The following TTC7B variants were observed in gnomAD, a reference collection of about 807,000 sequenced individuals.
TTC7B encodes the protein tetratricopeptide repeat protein 7B.
TTC7B carries 28 observed loss-of-function variants against 106.8 expected under a neutral mutation model. The ratio of observed to expected loss-of-function variants is 0.26; its 90% CI spans 0.19 to 0.36. The LOEUF is 0.36. Among genes scored for constraint, TTC7B ranks in the 10% least tolerant of loss-of-function variants. The probability of loss-of-function intolerance (pLI) is 1.00; values close to 1 mark genes in which losing one functional copy is unlikely to be tolerated. For synonymous variants in TTC7B, 405 were observed against 430.6 expected (o/e 0.94, Z 0.74); for missense variants, 862 against 1,076.4 (o/e 0.80, Z 2.79).
chr14:90,648,640 C>G (rs1885577591), intron 13 of TTC7B: 1 of 152,232 alleles, frequency 6.6e-6, no homozygotes, highest in Non-Finnish European at 1.5e-5. Context: ...GCATAAGCCA[C>G]CACGCCCAGC....
intron 18 of TTC7B, among the ~76,000 whole-genome samples, chr14:90,583,919 C>T (rs186911388): frequency 2.0e-5 from 3 of 152,304 alleles, no homozygotes; most frequent in Admixed American, 1.3e-4. Context: ...AGGGCCCTGC[C>T]GCCTTTCCAA....
chr14:90,713,329 T>C (rs552122383), intron 5 of TTC7B, among the ~76,000 whole-genome samples: 9 of 152,302 alleles, frequency 5.9e-5, no homozygotes, highest in Admixed American at 3.3e-4. Context: ...TTGGCCAGGC[T>C]GGTCTTAAAC....
At chr14:90,676,438 A>T (rs1429073647) in intron 9 of TTC7B, 85 bp downstream of exon 9, 2 of 1,514,704 alleles carry the variant, frequency 1.3e-6, no homozygotes, top group East Asian at 4.6e-5. Context: ...AGGGGGGCCC[A>T]GGACCAGGTC....
At chr14:90,727,087 G>C (rs908013051) in intron 5 of TTC7B, among the ~76,000 whole-genome samples, 1 of 152,272 alleles carries the variant, frequency 6.6e-6, no homozygotes, top group South Asian at 2.1e-4. Flanking sequence ...GGAAGAGGAC[G>C]AGCCAGAAAG....
intron 3 of TTC7B, among the ~76,000 whole-genome samples, chr14:90,751,476 C>G (rs538760938): frequency 2.6e-5 from 4 of 152,220 alleles, no homozygotes; most frequent in Non-Finnish European, 5.9e-5. Flanking sequence ...CTCACTGCAG[C>G]CTTGAATTCC....
At chr14:90,804,321 G>C (rs1359044338) in intron 1 of TTC7B, among the ~76,000 whole-genome samples, 1 of 150,704 alleles carries the variant, frequency 6.6e-6, no homozygotes, top group Admixed American at 6.6e-5. Flanking sequence ...GACACAGCGA[G>C]ACTCCGTCTC....
chr14:90,796,516 C>A (rs1432825616), intron 1 of TTC7B, among the ~76,000 whole-genome samples: 1 of 152,178 alleles, frequency 6.6e-6, no homozygotes, highest in East Asian at 1.9e-4. Context: ...CCCCCCCACC[C>A]GGGGAAGGTG....
chr14:90,718,079 T>TA (rs1337389904), intron 5 of TTC7B, among the ~76,000 whole-genome samples: 2 of 152,268 alleles, frequency 1.3e-5, no homozygotes, highest in African/African-American at 4.8e-5. Context: ...AGGCCACACT[T>TA]AAACTCTCTT....
intron 1 of TTC7B, 150 bp from the exon 2 acceptor site, chr14:90,786,478 G>C: frequency 1.3e-6 from 1 of 777,384 alleles, no homozygotes; most frequent in Non-Finnish European, 2.0e-6. Flanking sequence ...TAGGGTCTAA[G>C]TGGGCACCAC....
intron 1 of TTC7B, among the ~76,000 whole-genome samples, chr14:90,800,484 G>T (rs953219954): frequency 7.2e-5 from 11 of 152,122 alleles, no homozygotes; most frequent in Non-Finnish European, 1.3e-4. Flanking sequence ...TTATTTGGGT[G>T]GGCCCACTGG....
chr14:90,744,951 A>C, intron 3 of TTC7B, 29 bp from the exon 4 acceptor site: 1 of 1,610,166 alleles, frequency 6.2e-7, no homozygotes, highest in Middle Eastern at 1.9e-4. Context: ...ACAAAAACTG[A>C]GTGAATTTTT....
intron 5 of TTC7B, among the ~76,000 whole-genome samples, chr14:90,706,223 C>A (rs889421009): frequency 1.4e-5 from 2 of 147,150 alleles, no homozygotes; most frequent in African/African-American, 2.5e-5. Flanking sequence ...GGTGCAGTGG[C>A]GCAATCTCGG....
chr14:90,781,034 C>T (rs1891205029), intron 2 of TTC7B, 128 bp from the exon 3 acceptor site: 2 of 801,702 alleles, frequency 2.5e-6, no homozygotes, highest in Non-Finnish European at 4.0e-6. Flanking sequence ...CGTGAATGTT[C>T]TGAGCAGTGT....
chr14:90,549,424 G>A (rs1382318142), intron 19 of TTC7B, among the ~76,000 whole-genome samples: 1 of 152,236 alleles, frequency 6.6e-6, no homozygotes, highest in East Asian at 1.9e-4. Flanking sequence ...CTTCTGGGGT[G>A]GAAAGCCCAT....
intron 5 of TTC7B, among the ~76,000 whole-genome samples, chr14:90,717,669 G>A (rs1020652580): frequency 2.0e-5 from 3 of 152,306 alleles, no homozygotes; most frequent in Admixed American, 2.0e-4. Context: ...GAATAGAGAG[G>A]AAAAGGATGA....
chr14:90,631,490 C>T (rs977661807), intron 15 of TTC7B, among the ~76,000 whole-genome samples: 1 of 150,810 alleles, frequency 6.6e-6, no homozygotes, highest in East Asian at 1.9e-4. Flanking sequence ...CTCACTGAAA[C>T]CTCCGCCTCC....
intron 9 of TTC7B, among the ~76,000 whole-genome samples, chr14:90,674,629 G>GC (rs1172767341): frequency 1.3e-5 from 2 of 152,220 alleles, no homozygotes; most frequent in Admixed American, 1.3e-4. Context: ...CTTAATCAGA[G>GC]CCCCTGGCAC....
chr14:90,700,137 C>T (rs1329550134), intron 5 of TTC7B, among the ~76,000 whole-genome samples: 3 of 152,086 alleles, frequency 2.0e-5, no homozygotes, highest in African/African-American at 7.3e-5. Flanking sequence ...CCTAGTATGC[C>T]CTCGGGGGCT....
intron 4 of TTC7B, among the ~76,000 whole-genome samples, chr14:90,741,216 A>G (rs1179737722): frequency 6.6e-6 from 1 of 152,124 alleles, no homozygotes; most frequent in Non-Finnish European, 1.5e-5. Context: ...CCCTTCAGGA[A>G]CCCAACAACT....
Sources: gnomAD v4.1 joint callset for allele counts (sites outside exome capture counted in the v4.1 genomes callset) on GRCh38, gnomAD v4.1.1 for gene constraint, MANE v1.5 for transcripts, NCBI Gene and HGNC (gene_info 2026-07-23, HGNC 2026-07-21) for gene names.